ACSL1: variants seen among roughly 807,000 people sequenced by gnomAD.
ACSL1 encodes the protein acyl-CoA synthetase long chain family member 1.
In ACSL1, 41 loss-of-function variants were observed where a neutral mutation model predicts 98.4. The ratio of observed to expected loss-of-function variants is 0.42; its 90% confidence interval spans 0.32 to 0.54. The LOEUF is 0.54. ACSL1 is among the 20% of genes least tolerant of loss of function. The pLI is 0.13. For missense variants in ACSL1, 734 were observed against 883.1 expected (o/e 0.83, Z 2.14); for synonymous variants, 316 against 322.7 (o/e 0.98, Z 0.22).
At chr4:184,783,826 G>T in intron 4 of ACSL1, 101 bp downstream of exon 4, 1 of 1,100,198 alleles carries the variant, frequency 9.1e-7, no homozygotes, top group Non-Finnish European at 1.4e-6. Flanking sequence ...AGCTGGTCCA[G>T]CACATACACT....
In ACSL1 at chr4:184,766,057, G is replaced by T. The variant is rs978394243; in HGVS notation, c.1264-71C>A. On this transcript the variant is annotated intron_variant, in intron 13 of 20. Coordinates refer to ENST00000281455, the MANE Select transcript of ACSL1 (RefSeq NM_001995.5). The surrounding 1 kb of genome is among the most constrained non-coding windows in gnomAD (Gnocchi z 4.8). ...AAGTCGGCGGCCTCTCCGCCAAGGG[G>T]GCCTGCTTGGGACCCCGTTCCCTAA... The T allele has an allele frequency of 4.8e-6, 7 of 1,459,960 alleles. No homozygotes were observed. The East Asian group carries it at 1.4e-4, about 29-fold the overall frequency. The allele number at this position is 1,459,960 out of a possible 1,614,324, so 90.4% of individuals were successfully genotyped here. A position where few individuals can be genotyped will look rare whatever the true frequency, so the allele number is the denominator to read the frequency against.
Position 184,788,676 on chromosome 4 carries a change from T to A in ACSL1, c.251A>T (p.Tyr84Phe), listed in dbSNP as rs1216747088. The stretch of plus-strand genomic sequence containing the variant: ...TAATGTTGTGACATCATCATAGAAA[T>A]ACACCAAGGGCTCGTCGCTGTCAAG... ...ALLDSDEPLVYFYDDVTTLYE... is the reference protein window; with the variant it reads ...ALLDSDEPLVFFYDDVTTLYE... Residue 84 changes from tyrosine (Y) to phenylalanine (F), a missense_variant, in exon 3 of 21, where the codon TAT becomes TTT. Coordinates refer to ENST00000281455, the MANE Select transcript of ACSL1 (RefSeq NM_001995.5). 6.2e-7 allele frequency: 1 copy of A among 1,614,144 alleles called. No individual in the cohort carries two copies. Among genetic ancestry groups the A allele is most frequent in the East Asian group, 2.2e-5 (1 of 44,888 alleles).
intron 1 of ACSL1, among the ~76,000 whole-genome samples, chr4:184,818,702 G>A (rs1010800210): frequency 6.6e-6 from 1 of 152,180 alleles, no homozygotes; most frequent in Admixed American, 6.6e-5. Context: ...TGTGCCCAGA[G>A]CTTAGAGTGT....
intron 1 of ACSL1, among the ~76,000 whole-genome samples, chr4:184,823,726 T>C (rs1217429829): frequency 2.6e-5 from 4 of 152,240 alleles, no homozygotes; most frequent in African/African-American, 9.6e-5. Flanking sequence ...AACTCTGAGA[T>C]AGTCATTTTA....
chr4:184,764,738 T>C (rs965352345), intron 15 of ACSL1, 115 bp downstream of exon 15: 5 of 924,524 alleles, frequency 5.4e-6, no homozygotes, highest in African/African-American at 3.4e-5. Flanking sequence ...ATCAGAAACA[T>C]AGCACTTTTG....
chr4:184,770,629 C>T (rs1764359055), intron 10 of ACSL1, among the ~76,000 whole-genome samples, 153 bp from the exon 11 acceptor site: 1 of 151,854 alleles, frequency 6.6e-6, no homozygotes, highest in African/African-American at 2.4e-5. Context: ...ATGGGTGCAG[C>T]ACACCAGCAT....
At chr4:184,769,497 C>G (rs998821340) in intron 11 of ACSL1, among the ~76,000 whole-genome samples, 2 of 152,194 alleles carry the variant, frequency 1.3e-5, no homozygotes, top group African/African-American at 4.8e-5. Flanking sequence ...TTTTGTTCAG[C>G]GTGGCCTGCC....
intron 18 of ACSL1, chr4:184,758,175 A>C: frequency 6.6e-6 from 3 of 455,746 alleles, no homozygotes; most frequent in East Asian, 3.5e-5. Flanking sequence ...AATCTAACAA[A>C]TCTCTAATTC....
At chr4:184,775,296 T>C (rs901442364) in intron 7 of ACSL1, among the ~76,000 whole-genome samples, 1 of 152,094 alleles carries the variant, frequency 6.6e-6, no homozygotes, top group Non-Finnish European at 1.5e-5. Flanking sequence ...ATGTCTTCTA[T>C]AAATTAATAT....
chr4:184,807,685 T>C (rs902177), intron 1 of ACSL1, among the ~76,000 whole-genome samples: 27,173 of 152,190 alleles, frequency 0.18, 2,755 homozygotes, highest in South Asian at 0.25. Context: ...TACCCAAACT[T>C]TGGATAGAAC....
intron 5 of ACSL1, among the ~76,000 whole-genome samples, chr4:184,778,959 A>G: frequency 6.6e-6 from 1 of 151,572 alleles, no homozygotes; most frequent in Admixed American, 6.6e-5. Flanking sequence ...AAAAAAAGTC[A>G]GTAGCACAGG....
intron 1 of ACSL1, among the ~76,000 whole-genome samples, chr4:184,812,821 C>T (rs1378290349): frequency 6.6e-6 from 1 of 152,100 alleles, no homozygotes; most frequent in Non-Finnish European, 1.5e-5. Context: ...GAGCCCCATA[C>T]CAGGGCTGGA....
chr4:184,762,310 G>T, intron 17 of ACSL1, 97 bp downstream of exon 17: 1 of 1,000,046 alleles, frequency 1.0e-6, no homozygotes, highest in South Asian at 1.3e-5. Context: ...AGAAAATTCA[G>T]GGTGCCACTG....
intron 2 of ACSL1, among the ~76,000 whole-genome samples, chr4:184,790,590 A>G (rs1768179441): frequency 6.6e-6 from 1 of 152,240 alleles, no homozygotes; most frequent in African/African-American, 2.4e-5. Context: ...CTACTTTATG[A>G]AGCAAAAACG....
chr4:184,757,045 C>A lies in ACSL1; in HGVS notation c.*80G>T, dbSNP rs1433356625. On this transcript the variant is annotated 3_prime_UTR_variant, in exon 21 of 21. Transcript: ENST00000281455. This position sits in a 1 kb window ranked among gnomAD's most constrained non-coding sequence, Gnocchi z 4.5. ...CTTCCTTCCCTACACTTGCTGTATT[C>A]AAAATTAACAACATGAAGGCCATCA... 2.7e-6 allele frequency: 4 copies of A among 1,461,198 alleles called. No individual in the cohort carries two copies. In the East Asian group the frequency reaches 9.3e-5, roughly 34 times the overall value. 90.5% of individuals were successfully genotyped at this position (1,461,198 alleles called of 1,614,324 possible).
intron 1 of ACSL1, among the ~76,000 whole-genome samples, chr4:184,815,663 A>G (rs1387174589): frequency 1.3e-5 from 2 of 152,168 alleles, no homozygotes; most frequent in Non-Finnish European, 2.9e-5. Context: ...AAGGTTTCAG[A>G]GACTGATAAC....
intron 1 of ACSL1, chr4:184,808,196 A>C: frequency 3.5e-6 from 2 of 577,752 alleles, no homozygotes; most frequent in Non-Finnish European, 4.4e-6. Context: ...GCCAGAGGTG[A>C]CTCACAAGGA....
intron 2 of ACSL1, among the ~76,000 whole-genome samples, chr4:184,789,052 T>C (rs1184072830): frequency 6.6e-6 from 1 of 152,170 alleles, no homozygotes; most frequent in African/African-American, 2.4e-5. Context: ...AAATATAAAG[T>C]CTAATATGCC....
At chr4:184,770,764 A>G (rs1009515684) in intron 10 of ACSL1, among the ~76,000 whole-genome samples, 1 of 152,226 alleles carries the variant, frequency 6.6e-6, no homozygotes, top group African/African-American at 2.4e-5. Context: ...TTCTGAGCAC[A>G]TAGTACCTCA....
Sources: allele counts gnomAD v4.1 joint callset (sites outside exome capture counted in the v4.1 genomes callset), GRCh38; gene constraint gnomAD v4.1.1; non-coding constraint Gnocchi (gnomAD v3.1); transcripts MANE v1.5; gene names NCBI Gene and HGNC (gene_info 2026-07-23, HGNC 2026-07-21).